SPTBN5: variants seen among roughly 807,000 people sequenced by gnomAD.
The protein encoded by SPTBN5 is spectrin beta chain, non-erythrocytic 5.
In SPTBN5, 513 loss-of-function variants were observed where a neutral mutation model predicts 477.6. That is an observed-to-expected ratio of 1.07 (90% CI 1.00 to 1.16). SPTBN5 has a LOEUF of 1.16. Ranked by LOEUF, SPTBN5 falls within the 50% of genes most tolerant of loss-of-function variation. SPTBN5 has a pLI of 0.00. For synonymous variants in SPTBN5, 2,169 were observed against 2,011.7 expected, an observed-to-expected ratio of 1.08 and a Z score of -2.09; for missense variants, 5,062 against 4,731.8, an observed-to-expected ratio of 1.07 and a Z score of -2.05.
chr15:41,888,560 A>G (rs1054067920), intron 4 of SPTBN5, among the ~76,000 whole-genome samples: 5 of 152,216 alleles, frequency 3.3e-5, no homozygotes, highest in African/African-American at 1.2e-4. Context: ...TCCCAGGTTC[A>G]AGCAATTCTC....
At chr15:41,850,047 G>C in intron 66 of SPTBN5, 88 bp from the exon 67 acceptor site, 1 of 1,136,092 alleles carries the variant, frequency 8.8e-7, no homozygotes, top group Non-Finnish European at 1.3e-6. Context: ...AGCTTCTGGA[G>C]GCTCAGCACA....
chr15:41,861,073 A>G (rs1001663669), intron 46 of SPTBN5, among the ~76,000 whole-genome samples: 4 of 152,236 alleles, frequency 2.6e-5, no homozygotes, highest in African/African-American at 9.6e-5. Context: ...GAGGTCTCCT[A>G]TAAGTTACAC....
intron 9 of SPTBN5, 27 bp downstream of exon 9, chr15:41,882,969 G>A: frequency 6.6e-7 from 1 of 1,521,088 alleles, no homozygotes; most frequent in Non-Finnish European, 8.8e-7. Context: ...TTCTGGGAAA[G>A]GTGGAAGAGT....
chr15:41,874,032 T>G lies in SPTBN5; in HGVS notation c.4703A>C (p.Glu1568Ala), dbSNP rs1215644611. The G allele has an allele frequency of 3.1e-6, 5 of 1,595,292 alleles. No individual in the cohort carries two copies. In the Admixed American group the frequency reaches 6.8e-5, roughly 22 times the overall value. Residue 1568 changes from glutamate (E) to alanine (A), a missense_variant, in exon 25 of 68, where the codon GAG (glutamate) becomes GCG (alanine). Coordinates refer to ENST00000320955, the MANE Select transcript of SPTBN5 (RefSeq NM_016642.4). ...LHRKHKELQV[E>A]VKAHQGQVQR... is the part of the protein sequence containing the mutation. ...CACCTGCCCCTGGTGAGCTTTTACCTCCACCTGGAGCTCCTGCCACAGAGT... is the reference window on the plus strand; with the variant it reads ...CACCTGCCCCTGGTGAGCTTTTACCGCCACCTGGAGCTCCTGCCACAGAGT...
intron 36 of SPTBN5, 48 bp downstream of exon 36, chr15:41,866,911 T>C: frequency 1.3e-6 from 2 of 1,515,110 alleles, no homozygotes; most frequent in Non-Finnish European, 8.9e-7. Flanking sequence ...CTGAAAACTG[T>C]CGAGTGTGGT....
chr15:41,866,402 T>A lies in SPTBN5; in HGVS notation c.6572A>T (p.His2191Leu). Residue 2191 changes from histidine to leucine, a missense_variant, in exon 37 of 68, where the codon CAC (histidine) becomes CTC (leucine). Transcript: ENST00000320955. Reference sequence around the variant, plus strand: ...CTGGACTTCAGCCTCAAAGGCCTGGTGTTTCAGCAGGGGCTTCAGCTTATC... The same window carrying A: ...CTGGACTTCAGCCTCAAAGGCCTGGAGTTTCAGCAGGGGCTTCAGCTTATC... ...LRDKLKPLLKHQAFEAEVQAH... is the reference protein window; with the variant it reads ...LRDKLKPLLKLQAFEAEVQAH... 6.2e-7 allele frequency: 1 copy of A among 1,611,888 alleles called. No homozygotes were observed. Among genetic ancestry groups the A allele is most frequent in the Non-Finnish European group, 8.5e-7 (1 of 1,178,966 alleles).
chr15:41,875,984 A>AG, intron 21 of SPTBN5, 130 bp downstream of exon 21: 3 of 1,150,826 alleles, frequency 2.6e-6, no homozygotes, highest in Non-Finnish European at 3.6e-6. Context: ...GGAGGCTTGC[A>AG]GGGGGAGGTT....
Position 41,851,394 on chromosome 15 carries a change from G to A in SPTBN5, c.10657-25C>T, listed in dbSNP as rs535805436. Reference sequence around the variant, plus strand: ...GCTGTGGAGAGGAGGCGGGAAGGTCGCATGAGCCACACGCAGGAAGCCAGA... The same window carrying A: ...GCTGTGGAGAGGAGGCGGGAAGGTCACATGAGCCACACGCAGGAAGCCAGA... On this transcript the variant is annotated intron_variant, in intron 63 of 67. Coordinates refer to ENST00000320955, the MANE Select transcript of SPTBN5 (RefSeq NM_016642.4). 2.4e-4 allele frequency: 369 copies of A among 1,526,956 alleles called. No individual in the cohort carries two copies. In the East Asian group the frequency reaches 7.4e-3, roughly 31 times the overall value. The allele number at this position is 1,526,956 out of a possible 1,614,324, so 94.6% of individuals were successfully genotyped here. A position where few individuals can be genotyped will look rare whatever the true frequency, so the allele number is the denominator to read the frequency against.
chr15:41,855,301 G>A lies in SPTBN5; in HGVS notation c.9346C>T (p.Leu3116Phe). ...QLHQLERETL[L>F]LDAWLTTKAA... ...TTGGTGGTCAGCCAGGCGTCGAGGA[G>A]CAGGGTCTCTCGCTCCAGCTGGTGT... is the stretch of plus-strand genomic sequence containing the variant. The change falls in exon 55 of 68, where the codon CTC (leucine) becomes TTC (phenylalanine). Residue 3116 changes from leucine to phenylalanine, a missense_variant. Leu to Phe is a conservative substitution (Grantham distance 22, BLOSUM62 0). Transcript: ENST00000320955. The A allele has an allele frequency of 6.2e-7, 1 of 1,611,560 alleles. No homozygotes were observed.
At chr15:41,850,658 T>C (rs2065721833) in intron 66 of SPTBN5, 196 bp downstream of exon 66, 4 of 589,642 alleles carry the variant, frequency 6.8e-6, no homozygotes, top group Non-Finnish European at 9.0e-6. Flanking sequence ...CTCTGCTAAT[T>C]AGCTGTGTGA....
In SPTBN5 at chr15:41,849,879, A is replaced by T. The variant is rs915644092; in HGVS notation, c.11002T>A (p.Cys3668Ser). 6.3e-7 allele frequency: 1 copy of T among 1,578,226 alleles called. No individual in the cohort carries two copies. The highest frequency in any genetic ancestry group is 1.3e-5 in the African/African-American group (1 of 74,096). The change falls in exon 67 of 68, where the codon TGT (cysteine) becomes AGT (serine). Residue 3668 changes from cysteine (C) to serine (S), a missense_variant. By Grantham distance (112) the Cys-to-Ser change is moderately radical. Transcript: ENST00000320955. ...ECTTKDARPG[C>S]LLRSDP ...ACCCAGGTGTCCCACCTGAGTAGAC[A>T]TCCAGGCCGGGCATCCTTGGTCGTG...
intron 59 of SPTBN5, 126 bp downstream of exon 59, chr15:41,853,132 C>T: frequency 6.2e-6 from 9 of 1,454,360 alleles, no homozygotes; most frequent in Non-Finnish European, 8.3e-6. Context: ...CCCTTCCCAG[C>T]CTCTCTCCCT....
In SPTBN5 at chr15:41,868,455, C is replaced by T; in HGVS notation, c.6000G>A (p.Gln2000=). ...AELEAREKLW[Q]QATQLGQQAL... ...CCTGCTGCCCCAGCTGGGTGGCCTG[C>T]TGCCACAGCTTCTCCCGGGCCTCCA... Residue 2000 remains glutamine (Q), a synonymous_variant, in exon 33 of 68, where the codon CAG becomes CAA. Coordinates refer to ENST00000320955, the MANE Select transcript of SPTBN5 (RefSeq NM_016642.4). 1 of 1,610,380 alleles carries T rather than the reference C, an allele frequency of 6.2e-7. No individual in the cohort carries two copies.
Position 41,856,918 on chromosome 15 carries a change from G to T in SPTBN5, c.8743C>A (p.Leu2915Met), listed in dbSNP as rs1419517133. ...TGGCCATAGTCCTGGGCAGCGGCCA[G>T]AGGCAGCTTCTCCTGCACCCAGGCC... Reference protein sequence around the residue: ...EMAWVQEKLPLAAAQDYGQSL... With the variant: ...EMAWVQEKLPMAAAQDYGQSL... Residue 2915 changes from leucine (L) to methionine (M), a missense_variant, in exon 52 of 68, where the codon CTG becomes ATG. Coordinates refer to ENST00000320955, the MANE Select transcript of SPTBN5 (RefSeq NM_016642.4). 16 of 1,558,942 alleles carry T rather than the reference G, an allele frequency of 1.0e-5. No individual in the cohort carries two copies. Among genetic ancestry groups the T allele is most frequent in the Non-Finnish European group, 1.4e-5 (16 of 1,151,888 alleles).
At chr15:41,865,107 T>TA (rs2066253332) in intron 39 of SPTBN5, among the ~76,000 whole-genome samples, 3 of 152,172 alleles carry the variant, frequency 2.0e-5, no homozygotes, top group South Asian at 4.1e-4. Context: ...AAGTAATACA[T>TA]ACATGTACCG....
rs371363454 is a variant in SPTBN5, at chr15:41,874,940, G to A, written c.4404C>T (p.Ser1468=). 2.5e-5 allele frequency: 41 copies of A among 1,613,504 alleles called. No homozygotes were observed. The African/African-American group carries it at 5.1e-4, about 20-fold the overall frequency. ...QKRHQQLESE[S]RTLAAKMAAL... Reference sequence around the variant, plus strand: ...CAGCCATCTTGGCAGCCAGGGTCCGGCTCTCACTCTCCAGCTGTTGGTGCC... The same window carrying A: ...CAGCCATCTTGGCAGCCAGGGTCCGACTCTCACTCTCCAGCTGTTGGTGCC... The change falls in exon 23 of 68, where the codon AGC becomes AGT. Residue 1468 remains serine (S), a synonymous_variant. Transcript: ENST00000320955.
rs1241725167 is a variant in SPTBN5, at chr15:41,887,225, C to A, written c.876G>T (p.Arg292Ser). The A allele has an allele frequency of 6.4e-7, 1 of 1,551,486 alleles. No individual in the cohort carries two copies. Among genetic ancestry groups the A allele is most frequent in the South Asian group, 1.2e-5 (1 of 84,044 alleles). ...SRLHQGQTVQRRLTKILLQLQ... is the reference protein window; with the variant it reads ...SRLHQGQTVQSRLTKILLQLQ... ...CTTTCTCCCCCACCTTAGTGAGTCT[C>A]CTCTGGACAGTCTGCCCCTGATGCA... is the stretch of plus-strand genomic sequence containing the variant. Residue 292 changes from arginine to serine, a missense_variant, in exon 6 of 68, where the codon AGG (arginine) becomes AGT (serine). Physicochemically the swap from Arg to Ser is moderately radical, Grantham distance 110. Coordinates refer to ENST00000320955, the MANE Select transcript of SPTBN5 (RefSeq NM_016642.4).
intron 14 of SPTBN5, 113 bp downstream of exon 14, chr15:41,880,047 G>T (rs1397855686): frequency 3.5e-6 from 5 of 1,433,500 alleles, no homozygotes; most frequent in Middle Eastern, 1.8e-4. Context: ...CCAGCTCTCT[G>T]CTCCCCTCCC....
rs541747991 is a variant in SPTBN5 at position 41,863,813 on chromosome 15, G to A, written c.7040C>T (p.Ala2347Val). The change falls in exon 41 of 68, where the codon GCG becomes GTG. Residue 2347 changes from alanine to valine, a missense_variant. Physicochemically the swap from Ala to Val is moderately conservative, Grantham distance 64 (BLOSUM62 0). Coordinates refer to ENST00000320955, the MANE Select transcript of SPTBN5 (RefSeq NM_016642.4). ...CCGGAGCAAGTTGCCATGGAAACTC[G>A]CCCACCTGGCCAAGGGGTGGTGGTG... ...QRRSQLNNRW[A>V]SFHGNLLRYQ... 1.9e-4 allele frequency: 299 copies of A among 1,613,768 alleles called. 2 individuals carry two copies. The East Asian group carries it at 6.2e-3, about 33-fold the overall frequency.
Sources: allele counts gnomAD v4.1 joint callset (sites outside exome capture counted in the v4.1 genomes callset), GRCh38; gene constraint gnomAD v4.1.1; transcripts MANE v1.5; gene names NCBI Gene and HGNC (gene_info 2026-07-23, HGNC 2026-07-21).